SERPINB12: variants seen among roughly 807,000 people sequenced by gnomAD.
The protein encoded by SERPINB12 is serpin B12.
SERPINB12 carries 57 observed loss-of-function variants against 41.1 expected under a neutral mutation model. That is an observed-to-expected ratio of 1.39 (90% CI 1.12 to 1.73). The LOEUF is 1.73. Among genes scored for constraint, SERPINB12 ranks in the 40% most tolerant of loss-of-function variants. The pLI is 0.00. For synonymous variants in SERPINB12, 180 were observed against 181.3 expected, an observed-to-expected ratio of 0.99 and a Z score of 0.06; for missense variants, 536 against 501.9, an observed-to-expected ratio of 1.07 and a Z score of -0.65.
intron 7 of SERPINB12, among the ~76,000 whole-genome samples, chr18:63,566,169 G>A (rs1599430122): frequency 1.3e-5 from 2 of 152,220 alleles, no homozygotes; most frequent in Admixed American, 1.3e-4. Context: ...AGCAGGTATA[G>A]TAGTTACAAC....
intron 1 of SERPINB12, among the ~76,000 whole-genome samples, chr18:63,546,225 C>T (rs772065810): frequency 2.8e-4 from 43 of 152,168 alleles, no homozygotes; most frequent in Non-Finnish European, 4.7e-4. Context: ...GAGGGGTCCT[C>T]GTTTGTCCTT....
intron 3 of SERPINB12, among the ~76,000 whole-genome samples, chr18:63,559,072 TC>T (rs1555675646): frequency 7.3e-5 from 2 of 27,540 alleles, no homozygotes; most frequent in African/African-American, 1.3e-4. Context: ...CCTTCTTCTC[TC>T]CTTCTCTCCT....
chr18:63,526,811 T>C, the SERPINB12 span, among the ~76,000 whole-genome samples: 2 of 152,186 alleles, frequency 1.3e-5, no homozygotes, highest in African/African-American at 2.4e-5. Context: ...CTGACAAATA[T>C]GTCATTAGAT....
chr18:63,548,131 G>A (rs549246106), intron 1 of SERPINB12, among the ~76,000 whole-genome samples: 3 of 152,108 alleles, frequency 2.0e-5, no homozygotes, highest in Non-Finnish European at 4.4e-5. Flanking sequence ...GTATACAGTG[G>A]TGACTAATTA....
At chr18:63,559,023 TTTCTTTC>T (rs1910789755) in intron 3 of SERPINB12, among the ~76,000 whole-genome samples, 1 of 66,214 alleles carries the variant, frequency 1.5e-5, no homozygotes, top group African/African-American at 4.3e-5. Flanking sequence ...TCTTTCTTTC[TTTCTTTC>T]TTTCTTTCTT....
Position 63,550,476 on chromosome 18 carries a change from G to A in SERPINB12, c.-18-5666G>A, listed in dbSNP as rs571464558. ...GTCTTAAAATTAAATGCCATGTTTA[G>A]TAATACATCTACAATACATTTTAAA... On this transcript the variant is annotated intron_variant, in intron 1 of 7. Coordinates refer to ENST00000382768, the MANE Select transcript of SERPINB12 (RefSeq NM_001307928.2). 3.9e-5 allele frequency among the ~76,000 whole-genome samples: 6 copies of A among 152,278 alleles called. No homozygotes were observed. In the East Asian group the frequency reaches 7.7e-4, roughly 20 times the overall value.
At position 63,567,020 on chromosome 18, in the gene SERPINB12, C is replaced by T. The variant is rs372250248; in HGVS notation, c.*9C>T. ...GGGTCTGCTCTCCTTAAAAGGGGAG[C>T]AGTGTCTAGTACTTTGGAGCTGGAG... On this transcript the variant is annotated 3_prime_UTR_variant, in exon 8 of 8. Transcript: ENST00000382768. The T allele has an allele frequency of 1.3e-6, 2 of 1,562,206 alleles. No individual in the cohort carries two copies. Among genetic ancestry groups the T allele is most frequent in the South Asian group, 1.2e-5 (1 of 81,040 alleles).
intron 3 of SERPINB12, among the ~76,000 whole-genome samples, chr18:63,559,140 G>T (rs138991606): frequency 6.8e-6 from 1 of 147,290 alleles, no homozygotes; most frequent in East Asian, 2.0e-4. Context: ...GAGTTTCGTT[G>T]TGTTGCCAGG....
intron 2 of SERPINB12, 58 bp downstream of exon 2, chr18:63,556,385 C>T (rs1209298470): frequency 6.5e-7 from 1 of 1,531,432 alleles, no homozygotes; most frequent in Non-Finnish European, 8.9e-7. Context: ...CACTCAAAGT[C>T]AGACCCTAAT....
chr18:63,547,017 A>C (rs1370822643), intron 1 of SERPINB12, among the ~76,000 whole-genome samples: 2 of 152,216 alleles, frequency 1.3e-5, no homozygotes, highest in Non-Finnish European at 2.9e-5. Context: ...ATTTTAAAGG[A>C]TAGAAACCCA....
In SERPINB12 at chr18:63,566,916, T is replaced by C; in HGVS notation, c.1183T>C (p.Trp395Arg). The change falls in exon 8 of 8, where the codon TGG becomes CGG. Residue 395 changes from tryptophan (W) to arginine (R), a missense_variant. By Grantham distance (101) the Trp-to-Arg change is moderately radical. Transcript: ENST00000382768. ...AVVSERSLRS[W>R]VEFNANHPFL... is the part of the protein sequence containing the mutation. The stretch of plus-strand genomic sequence containing the variant: ...TGTCTCGGAAAGGTCACTACGATCT[T>C]GGGTGGAGTTTAATGCCAACCACCC... 2 of 1,614,192 alleles carry C rather than the reference T, an allele frequency of 1.2e-6. No homozygotes were observed. Among genetic ancestry groups the C allele is most frequent in the Non-Finnish European group, 1.7e-6 (2 of 1,180,018 alleles).
In SERPINB12 at chr18:63,567,874, C is replaced by T. The variant is rs183220810; in HGVS notation, c.*863C>T. 3.4e-3 allele frequency among the ~76,000 whole-genome samples: 518 copies of T among 152,286 alleles called. 4 individuals are homozygous for T. Among genetic ancestry groups the T allele is most frequent in the African/African-American group, 0.011 (458 of 41,560 alleles). Reference sequence around the variant, plus strand: ...AGAGAAGTGCTGCTGGCATTGTGGACGGCTGGCCTCCGTATGCCCCTCTCT... The same window carrying T: ...AGAGAAGTGCTGCTGGCATTGTGGATGGCTGGCCTCCGTATGCCCCTCTCT... On this transcript the variant is annotated 3_prime_UTR_variant, in exon 8 of 8. Transcript: ENST00000382768.
At chr18:63,546,927 G>T (rs1043873686) in intron 1 of SERPINB12, among the ~76,000 whole-genome samples, 2 of 152,132 alleles carry the variant, frequency 1.3e-5, no homozygotes, top group Non-Finnish European at 2.9e-5. Context: ...CCAGCTGTTA[G>T]CAGCAACTCT....
At chr18:63,558,525 T>C (rs746458419) in intron 3 of SERPINB12, 39 bp downstream of exon 3, 1 of 1,574,400 alleles carries the variant, frequency 6.4e-7, no homozygotes, top group East Asian at 2.3e-5. Context: ...CTTTCTTTTT[T>C]ACAAACTGCT....
intron 1 of SERPINB12, among the ~76,000 whole-genome samples, chr18:63,544,433 T>C (rs1270679546): frequency 6.6e-6 from 1 of 152,216 alleles, no homozygotes; most frequent in Non-Finnish European, 1.5e-5. Flanking sequence ...TGGAAAACCA[T>C]ATTATTATTC....
At chr18:63,540,244 T>C (rs1240729270), upstream of SERPINB12, among the ~76,000 whole-genome samples, 11 of 152,112 alleles carry the variant, frequency 7.2e-5, no homozygotes, top group Admixed American at 3.3e-4. Flanking sequence ...GGTTACTAGG[T>C]TTTAGGAGAG....
the SERPINB12 span, among the ~76,000 whole-genome samples, chr18:63,528,474 A>G: frequency 2.6e-5 from 4 of 152,180 alleles, no homozygotes; most frequent in African/African-American, 9.7e-5. Flanking sequence ...CTAATGTTTT[A>G]GATGGTGGAT....
chr18:63,551,155 G>A (rs1238105271), intron 1 of SERPINB12, among the ~76,000 whole-genome samples: 1 of 151,704 alleles, frequency 6.6e-6, no homozygotes. Context: ...TGTAGTCCCA[G>A]CTACTCGGGA....
intron 6 of SERPINB12, 88 bp downstream of exon 6, chr18:63,564,208 C>T: frequency 7.4e-7 from 1 of 1,348,848 alleles, no homozygotes; most frequent in Non-Finnish European, 1.0e-6. Flanking sequence ...CGAAAAGTTA[C>T]AGCTTACATT....
Sources: gnomAD v4.1 joint callset for allele counts (sites outside exome capture counted in the v4.1 genomes callset) on GRCh38, gnomAD v4.1.1 for gene constraint, MANE v1.5 for transcripts, NCBI Gene and HGNC (gene_info 2026-07-23, HGNC 2026-07-21) for gene names.